DYNC1I1: variants seen among roughly 807,000 people sequenced by gnomAD.
The protein encoded by DYNC1I1 is dynein cytoplasmic 1 intermediate chain 1.
In DYNC1I1, 43 loss-of-function variants were observed where a neutral mutation model predicts 86.6. That is an observed-to-expected ratio of 0.50 (90% CI 0.39 to 0.64). The LOEUF (loss-of-function observed/expected upper bound fraction) is 0.64. Ranked by LOEUF, DYNC1I1 falls within the 30% of genes least tolerant of loss-of-function variation. The pLI, the probability that DYNC1I1 is intolerant of heterozygous loss-of-function variation, is 0.00. For synonymous variants in DYNC1I1, 262 were observed against 283.7 expected, an observed-to-expected ratio of 0.92 and a Z score of 0.77; for missense variants, 604 against 788.8, an observed-to-expected ratio of 0.77 and a Z score of 2.81.
intron 6 of DYNC1I1, among the ~76,000 whole-genome samples, chr7:95,935,188 A>G (rs984957714): frequency 1.3e-5 from 2 of 151,954 alleles, no homozygotes; most frequent in African/African-American, 4.8e-5. Context: ...CTATGAATTT[A>G]ACTATTTTAG....
chr7:95,848,406 C>A (rs1445252666), intron 5 of DYNC1I1, among the ~76,000 whole-genome samples: 1 of 152,040 alleles, frequency 6.6e-6, no homozygotes, highest in Non-Finnish European at 1.5e-5. Context: ...ACTGCCCCAG[C>A]CCCTGATAAC....
intron 5 of DYNC1I1, among the ~76,000 whole-genome samples, chr7:95,836,291 T>C (rs1216964693): frequency 6.6e-6 from 1 of 152,150 alleles, no homozygotes; most frequent in Non-Finnish European, 1.5e-5. Flanking sequence ...TGTTGAATAT[T>C]GGCCCCCACT....
rs1049534960 is a variant in DYNC1I1, at chr7:96,023,994, C to T, written c.970-4181C>T. ...CCCTCTTAGAAATTGTGGTTCCTAA[C>T]GTAACACTGTCTTTGTGTTATGTGT... On this transcript the variant is annotated intron_variant, in intron 10 of 16. Coordinates refer to ENST00000447467, the MANE Select transcript of DYNC1I1 (RefSeq NM_001135556.2). Among the ~76,000 whole-genome samples the T allele has an allele frequency of 6.6e-5, 10 of 152,222 alleles. No individual in the cohort carries two copies. In the East Asian group the frequency reaches 1.2e-3, roughly 18 times the overall value.
intron 9 of DYNC1I1, among the ~76,000 whole-genome samples, chr7:95,993,034 T>C (rs1394008271): frequency 4.6e-5 from 7 of 152,218 alleles, no homozygotes; most frequent in Non-Finnish European, 7.3e-5. Flanking sequence ...AGTAACCAAA[T>C]GATCATGAAT....
At chr7:95,871,218 G>C (rs1790155443) in intron 6 of DYNC1I1, among the ~76,000 whole-genome samples, 1 of 152,108 alleles carries the variant, frequency 6.6e-6, no homozygotes, top group African/African-American at 2.4e-5. Flanking sequence ...TTCAGTAGCA[G>C]GGCCTCCATT....
At chr7:95,814,281 T>C (rs1794900150) in intron 4 of DYNC1I1, among the ~76,000 whole-genome samples, 1 of 152,202 alleles carries the variant, frequency 6.6e-6, no homozygotes, top group African/African-American at 2.4e-5. Flanking sequence ...TAATGACTTT[T>C]GTTCCAAGTA....
chr7:95,910,317 G>A (rs150269693), intron 6 of DYNC1I1, among the ~76,000 whole-genome samples: 1 of 152,208 alleles, frequency 6.6e-6, no homozygotes, highest in Non-Finnish European at 1.5e-5. Flanking sequence ...CTTCCTAAAT[G>A]CTACCCCCAT....
intron 6 of DYNC1I1, among the ~76,000 whole-genome samples, chr7:95,903,691 C>T (rs1011075389): frequency 9.9e-5 from 15 of 152,224 alleles, no homozygotes; most frequent in Admixed American, 9.8e-4. Flanking sequence ...TAAGTGGATC[C>T]TTTATTTAAA....
intron 2 of DYNC1I1, among the ~76,000 whole-genome samples, chr7:95,806,801 C>T (rs1258547671): frequency 6.6e-6 from 1 of 152,158 alleles, no homozygotes; most frequent in African/African-American, 2.4e-5. Flanking sequence ...TCAAAGAGGT[C>T]TTTCCTTGAT....
chr7:96,090,235 T>TTTGTTG (rs781614273), intron 16 of DYNC1I1, among the ~76,000 whole-genome samples: 1 of 151,872 alleles, frequency 6.6e-6, no homozygotes, highest in East Asian at 1.9e-4. Context: ...TCTTCGGATA[T>TTTGTTG]TTGTTGTTGT....
At chr7:95,897,446 A>T (rs80304370) in intron 6 of DYNC1I1, among the ~76,000 whole-genome samples, 2,253 of 106,240 alleles carry the variant, frequency 0.021, 33 homozygotes, top group Non-Finnish European at 0.032. Context: ...ATTGACCATG[A>T]TTTTTTTTTT....
chr7:96,071,440 G>C (rs946656198), intron 14 of DYNC1I1, among the ~76,000 whole-genome samples: 2 of 152,130 alleles, frequency 1.3e-5, no homozygotes, highest in Non-Finnish European at 1.5e-5. Flanking sequence ...AATTTCCCAA[G>C]GTCTGTAGTT....
chr7:95,959,353 G>T (rs1267022279), intron 6 of DYNC1I1, among the ~76,000 whole-genome samples: 1 of 152,220 alleles, frequency 6.6e-6, no homozygotes, highest in Non-Finnish European at 1.5e-5. Context: ...AGCAAGCTAG[G>T]AGGCAGCAGC....
intron 9 of DYNC1I1, among the ~76,000 whole-genome samples, chr7:95,991,594 G>T (rs1793731086): frequency 6.6e-6 from 1 of 152,070 alleles, no homozygotes; most frequent in African/African-American, 2.4e-5. Context: ...AACGCCTTTG[G>T]CTCAGCTGGG....
intron 6 of DYNC1I1, among the ~76,000 whole-genome samples, chr7:95,897,790 C>A (rs968806269): frequency 6.8e-6 from 1 of 146,210 alleles, no homozygotes; most frequent in African/African-American, 2.5e-5. Context: ...ATTTTCTTTA[C>A]CCTTGTAGAG....
At chr7:96,077,304 G>A (rs905420140) in intron 15 of DYNC1I1, among the ~76,000 whole-genome samples, 1 of 150,896 alleles carries the variant, frequency 6.6e-6, no homozygotes, top group Non-Finnish European at 1.5e-5. Context: ...TATTCTTCAG[G>A]TGTTATTATT....
At chr7:96,023,025 G>A (rs1190542836) in intron 10 of DYNC1I1, among the ~76,000 whole-genome samples, 1 of 152,104 alleles carries the variant, frequency 6.6e-6, no homozygotes. Flanking sequence ...TATAGGAGGG[G>A]TTTTCAACAG....
chr7:95,955,122 T>C (rs1012985907), intron 6 of DYNC1I1, among the ~76,000 whole-genome samples: 1 of 152,140 alleles, frequency 6.6e-6, no homozygotes, highest in Admixed American at 6.5e-5. Flanking sequence ...TTAACATTGC[T>C]GTGACTTCCA....
intron 5 of DYNC1I1, among the ~76,000 whole-genome samples, chr7:95,838,404 C>A (rs746322167): frequency 2.0e-5 from 3 of 152,112 alleles, no homozygotes; most frequent in Non-Finnish European, 2.9e-5. Context: ...ACCTATATGC[C>A]TGTTTTTGTT....
Sources: allele counts gnomAD v4.1 joint callset (sites outside exome capture counted in the v4.1 genomes callset), GRCh38; gene constraint gnomAD v4.1.1; transcripts MANE v1.5; gene names NCBI Gene and HGNC (gene_info 2026-07-23, HGNC 2026-07-21).